ZNF544: variants seen among roughly 807,000 people sequenced by gnomAD.
ZNF544 encodes the protein zinc finger protein AF020591.
ZNF544 carries 10 observed loss-of-function variants against 13.5 expected under a neutral mutation model. That is an observed-to-expected ratio of 0.74 (90% CI 0.46 to 1.25). The LOEUF (loss-of-function observed/expected upper bound fraction) is 1.25. Among genes scored for constraint, ZNF544 ranks in the 50% most tolerant of loss-of-function variants. The probability of loss-of-function intolerance (pLI) is 0.00; values close to 1 mark genes in which losing one functional copy is unlikely to be tolerated. For missense variants in ZNF544, 896 were observed against 845.6 expected (o/e 1.06, Z -0.74); for synonymous variants, 323 against 300.5 (o/e 1.07, Z -0.77).
intron 3 of ZNF544, among the ~76,000 whole-genome samples, chr19:58,236,043 A>G (rs1600219230): frequency 6.6e-6 from 1 of 151,132 alleles, no homozygotes; most frequent in South Asian, 2.1e-4. Context: ...CTGGGTAACA[A>G]GAGTGAAACT....
In ZNF544 at chr19:58,262,684, G is replaced by A; in HGVS notation, c.2078G>A (p.Cys693Tyr). 4 of 1,612,788 alleles carry A rather than the reference G, an allele frequency of 2.5e-6. No individual in the cohort carries two copies. The highest frequency in any genetic ancestry group is 3.4e-6 in the Non-Finnish European group (4 of 1,178,952). Residue 693 changes from cysteine (C) to tyrosine (Y), a missense_variant, in exon 7 of 7, where the codon TGT becomes TAT. Physicochemically the swap from Cys to Tyr is radical, Grantham distance 194. Transcript: ENST00000687789. ...GAGAAACCCTATGAATGTAGTGACT[G>A]TGGGAAATCCTTCCGGCAGCAATCT... ...SGEKPYECSD[C>Y]GKSFRQQSQL...
downstream of ZNF544, chr19:58,266,871 A>C (rs529537012): frequency 2.0e-5 from 3 of 152,320 alleles, no homozygotes; most frequent in African/African-American, 7.2e-5. Flanking sequence ...TTTTTACCTG[A>C]TAGCTGGTTC....
chr19:58,246,148 G>T (rs1250618222), intron 4 of ZNF544, among the ~76,000 whole-genome samples, 153 bp from the exon 5 acceptor site: 1 of 152,146 alleles, frequency 6.6e-6, no homozygotes, highest in African/African-American at 2.4e-5. Flanking sequence ...TAATTGCCTT[G>T]TAAAGACCCC....
At chr19:58,260,601 T>C (rs1355436269) in intron 6 of ZNF544, 2 of 396,652 alleles carry the variant, frequency 5.0e-6, no homozygotes, top group Non-Finnish European at 4.5e-6. Flanking sequence ...ATTCTTATTC[T>C]TCTGCCCTCT....
Position 58,262,467 on chromosome 19 carries a change from AG to A in ZNF544, c.1863del (p.Arg621SerfsTer28), listed in dbSNP as rs768736713. On this transcript the variant is annotated frameshift_variant, in exon 7 of 7. Transcript: ENST00000687789. LOFTEE classifies it low-confidence loss of function (END_TRUNC). ...KAFNRSTQLI[R>X]HLQIHTGEKP... is the part of the protein sequence containing the mutation. The stretch of plus-strand genomic sequence containing the variant: ...CTTCAATCGAAGCACTCAGCTCATC[AG>A]GCATCTGCAAATTCACACTGGGGAG... The A allele has an allele frequency of 4.3e-6, 7 of 1,614,096 alleles. No individual in the cohort carries two copies. Among genetic ancestry groups the A allele is most frequent in the Non-Finnish European group, 5.9e-6 (7 of 1,180,046 alleles).
At chr19:58,275,811 G>C (rs2051180915) in intron 5 of ZNF544, among the ~76,000 whole-genome samples, 1 of 80,164 alleles carries the variant, frequency 1.2e-5, no homozygotes, top group South Asian at 4.2e-4. Flanking sequence ...AAGGAAAGAG[G>C]AAATAATAGG....
intron 5 of ZNF544, among the ~76,000 whole-genome samples, chr19:58,272,006 G>A (rs1411251005): frequency 6.6e-6 from 1 of 151,816 alleles, no homozygotes; most frequent in Admixed American, 6.6e-5. Context: ...CACTAAAAAT[G>A]CAAAAATTAT....
chr19:58,265,549 C>G (rs1190636469), downstream of ZNF544, among the ~76,000 whole-genome samples: 2 of 152,032 alleles, frequency 1.3e-5, no homozygotes, highest in Non-Finnish European at 2.9e-5. Context: ...CCCACCTCGG[C>G]CTCCCAAAGT....
At chr19:58,272,879 A>AAAAAG (rs1178536136) in intron 5 of ZNF544, among the ~76,000 whole-genome samples, 3 of 151,670 alleles carry the variant, frequency 2.0e-5, no homozygotes, top group South Asian at 2.1e-4. Flanking sequence ...TCTCAAAAAA[A>AAAAAG]AAAAGAAAAG....
At chr19:58,229,206 C>G (rs2146301589) in intron 1 of ZNF544, 1 of 149,788 alleles carries the variant, frequency 6.7e-6, no homozygotes, top group East Asian at 2.0e-4. Context: ...CTGAGCTTGT[C>G]GGGAGGCTCT....
intron 3 of ZNF544, among the ~76,000 whole-genome samples, chr19:58,238,590 A>G (rs1417305627): frequency 6.6e-6 from 1 of 152,150 alleles, no homozygotes; most frequent in Non-Finnish European, 1.5e-5. Flanking sequence ...TCGATGTCAC[A>G]GGCTTCCAGG....
At chr19:58,268,785 GCATGTCCAGCA>G (rs1424836812), downstream of ZNF544, among the ~76,000 whole-genome samples, 2 of 152,242 alleles carry the variant, frequency 1.3e-5, no homozygotes, top group Non-Finnish European at 2.9e-5. Flanking sequence ...GTGACCATGA[GCATGTCCAGCA>G]CAAATAACTT....
chr19:58,244,857 G>C (rs576944364), intron 4 of ZNF544, among the ~76,000 whole-genome samples: 1 of 151,518 alleles, frequency 6.6e-6, no homozygotes, highest in East Asian at 2.0e-4. Context: ...AATCACAGGC[G>C]TGAGCCACCA....
At chr19:58,234,033 C>G (rs975807986) in intron 3 of ZNF544, among the ~76,000 whole-genome samples, 2 of 152,224 alleles carry the variant, frequency 1.3e-5, no homozygotes, top group Non-Finnish European at 2.9e-5. Context: ...GCCCACTTCT[C>G]TCCATTTTGC....
At position 58,262,114 on chromosome 19, in the gene ZNF544, A is replaced by G; in HGVS notation, c.1508A>G (p.Gln503Arg). ...ACTCAGTGTGGGAAATCTTTCAGCC[A>G]GAAGTATGACCTTGTTGTACATCAG... The part of the protein sequence containing the change: ...KCTQCGKSFS[Q>R]KYDLVVHQRT... Residue 503 changes from glutamine (Q) to arginine (R), a missense_variant, in exon 7 of 7, where the codon CAG becomes CGG. By Grantham distance (43) the Gln-to-Arg change is conservative. Transcript: ENST00000687789. 1 of 1,612,742 alleles carries G rather than the reference A, an allele frequency of 6.2e-7. No homozygotes were observed. Among genetic ancestry groups the G allele is most frequent in the Non-Finnish European group, 8.5e-7 (1 of 1,179,752 alleles).
At position 58,262,506 on chromosome 19, in the gene ZNF544, T is replaced by G; in HGVS notation, c.1900T>G (p.Cys634Gly). The part of the protein sequence containing the change: ...QIHTGEKPYK[C>G]NQCNKAFARS... ...TCACACTGGGGAGAAGCCGTACAAA[T>G]GCAATCAGTGCAATAAAGCCTTTGC... Residue 634 changes from cysteine (C) to glycine (G), a missense_variant, in exon 7 of 7, where the codon TGC becomes GGC. Coordinates refer to ENST00000687789, the MANE Select transcript of ZNF544 (RefSeq NM_014480.4). 1 of 1,614,206 alleles carries G rather than the reference T, an allele frequency of 6.2e-7. No individual in the cohort carries two copies. The highest frequency in any genetic ancestry group is 8.5e-7 in the Non-Finnish European group (1 of 1,180,038).
chr19:58,274,907 C>G (rs1275952072), intron 5 of ZNF544, among the ~76,000 whole-genome samples: 1 of 151,856 alleles, frequency 6.6e-6, no homozygotes, highest in African/African-American at 2.4e-5. Flanking sequence ...TGGAAAAACC[C>G]AAACGACAAC....
At chr19:58,256,092 G>A (rs1401799679) in intron 6 of ZNF544, among the ~76,000 whole-genome samples, 6 of 152,182 alleles carry the variant, frequency 3.9e-5, no homozygotes, top group African/African-American at 1.2e-4. Context: ...ATGCTTATGT[G>A]CTGTCCACCA....
chr19:58,263,527 A>G lies in ZNF544; in HGVS notation c.*773A>G. 2 of 985,438 alleles carry G rather than the reference A, an allele frequency of 2.0e-6. No individual in the cohort carries two copies. The highest frequency in any genetic ancestry group is 1.2e-6 in the Non-Finnish European group (1 of 829,938). The allele number at this position is 985,438 out of a possible 1,614,324, so 61.0% of individuals were successfully genotyped here. ...TTACTAGAAATCAGGTGGCCAAAAC[A>G]TGACTCTCAGAGTGGGGCTTCATGA... On this transcript the variant is annotated 3_prime_UTR_variant, in exon 7 of 7. Transcript: ENST00000687789.
Sources: allele counts gnomAD v4.1 joint callset (sites outside exome capture counted in the v4.1 genomes callset), GRCh38; gene constraint gnomAD v4.1.1; transcripts MANE v1.5; gene names NCBI Gene and HGNC (gene_info 2026-07-23, HGNC 2026-07-21).